CFAP299: variants seen among roughly 807,000 people sequenced by gnomAD.
The protein encoded by CFAP299 is cilia- and flagella-associated protein 299.
In CFAP299, 21 loss-of-function variants were observed where a neutral mutation model predicts 27.0. The ratio of observed to expected loss-of-function variants is 0.78; its 90% CI spans 0.55 to 1.12. The LOEUF is 1.12. Ranked by LOEUF, CFAP299 falls within the 50% of genes most tolerant of loss-of-function variation. CFAP299 has a pLI of 0.00. For missense variants in CFAP299, 310 were observed against 276.6 expected, an observed-to-expected ratio of 1.12 and a Z score of -0.86; for synonymous variants, 104 against 98.1, an observed-to-expected ratio of 1.06 and a Z score of -0.36.
intron 2 of CFAP299, among the ~76,000 whole-genome samples, chr4:80,390,779 A>ATATACACATATATGTATATGTATATATG (rs1725383036): frequency 2.8e-5 from 4 of 142,330 alleles, no homozygotes; most frequent in South Asian, 2.1e-4. Flanking sequence ...GTATATATAC[A>ATATACACATATATGTATATGTATATATG]TATACACATA....
intron 2 of CFAP299, among the ~76,000 whole-genome samples, chr4:80,512,476 T>A (rs1215685916): frequency 6.6e-6 from 1 of 152,104 alleles, no homozygotes; most frequent in Non-Finnish European, 1.5e-5. Context: ...TAAGGACTTA[T>A]ATTTTGGATT....
intron 4 of CFAP299, among the ~76,000 whole-genome samples, chr4:80,874,151 A>G (rs971573518): frequency 6.6e-6 from 1 of 152,240 alleles, no homozygotes; most frequent in Non-Finnish European, 1.5e-5. Context: ...TTCTACAAAT[A>G]GTATTAAAAT....
Position 80,930,790 on chromosome 4 carries a change from C to A in CFAP299, c.477-14020C>A, listed in dbSNP as rs1736575346. ...ATTCAGTTTCTCAACAGCAGGCAAT[C>A]CCCATACCATCTTTCTTAGTTGGAA... On this transcript the variant is annotated intron_variant, in intron 4 of 5. Transcript: ENST00000358105. Among the ~76,000 whole-genome samples the A allele has an allele frequency of 2.0e-5, 3 of 152,116 alleles. No homozygotes were observed. The South Asian group carries it at 6.2e-4, about 31-fold the overall frequency.
intron 4 of CFAP299, among the ~76,000 whole-genome samples, chr4:80,906,342 C>T (rs1209068213): frequency 6.6e-6 from 1 of 152,218 alleles, no homozygotes; most frequent in Non-Finnish European, 1.5e-5. Flanking sequence ...CCGCTCCTGG[C>T]TGCTTTCATG....
At chr4:80,363,710 C>T (rs550712881) in intron 2 of CFAP299, among the ~76,000 whole-genome samples, 24 of 152,264 alleles carry the variant, frequency 1.6e-4, no homozygotes, top group African/African-American at 5.8e-4. Context: ...CCATAGTATA[C>T]TGAAGTTTAA....
intron 2 of CFAP299, chr4:80,387,952 AG>A: frequency 3.8e-6 from 3 of 790,436 alleles, no homozygotes; most frequent in Non-Finnish European, 6.6e-6. Context: ...GGTGTTTGCC[AG>A]GGCTGTACAC....
rs150611931 is a variant in CFAP299, at chr4:80,416,442, A to C, written c.242+53558A>C. On this transcript the variant is annotated intron_variant, in intron 2 of 5. Transcript: ENST00000358105. ...GAACATGTAGCTGAAAATGCATTAA[A>C]AGCAGATATAGCTAATACACAATTT... Among the ~76,000 whole-genome samples, 360 of 152,316 alleles carry C rather than the reference A, an allele frequency of 2.4e-3. 2 individuals carry two copies. Among genetic ancestry groups the C allele is most frequent in the African/African-American group, 7.9e-3 (328 of 41,566 alleles).
intron 3 of CFAP299, among the ~76,000 whole-genome samples, chr4:80,752,930 T>C (rs920223787): frequency 1.3e-5 from 2 of 152,110 alleles, no homozygotes; most frequent in Non-Finnish European, 2.9e-5. Context: ...TCCTCATCCT[T>C]GTGCTATTAT....
At position 80,950,789 on chromosome 4, in the gene CFAP299, T is replaced by C. The variant is rs370018484; in HGVS notation, c.606+5850T>C. Among the ~76,000 whole-genome samples, 16 of 152,270 alleles carry C rather than the reference T, an allele frequency of 1.1e-4. 1 individual carries two copies. In the East Asian group the frequency reaches 1.5e-3, roughly 15 times the overall value. On this transcript the variant is annotated intron_variant, in intron 5 of 5. Coordinates refer to ENST00000358105, the MANE Select transcript of CFAP299 (RefSeq NM_152770.3). ...CTGATCTGAGTGGAAGGCTTAGGCA[T>C]TGGTACTTTTCAAAAATACCCTGGG...
intron 4 of CFAP299, among the ~76,000 whole-genome samples, chr4:80,876,169 A>AT (rs1204066002): frequency 2.0e-5 from 3 of 148,876 alleles, no homozygotes; most frequent in Non-Finnish European, 3.0e-5. Context: ...ATATTATATT[A>AT]TATATAATAT....
At chr4:80,922,952 G>C (rs1041562321) in intron 4 of CFAP299, among the ~76,000 whole-genome samples, 2 of 151,526 alleles carry the variant, frequency 1.3e-5, no homozygotes, top group Admixed American at 1.3e-4. Flanking sequence ...ATTTGAAAGA[G>C]AGAATGATAA....
At chr4:80,737,367 T>G (rs1723970642) in intron 3 of CFAP299, among the ~76,000 whole-genome samples, 1 of 152,248 alleles carries the variant, frequency 6.6e-6, no homozygotes, top group East Asian at 1.9e-4. Context: ...AATGGTATTA[T>G]TTCTTCTTTA....
chr4:80,616,512 GA>G (rs1016974934), intron 3 of CFAP299, among the ~76,000 whole-genome samples: 1 of 151,422 alleles, frequency 6.6e-6, no homozygotes, highest in Non-Finnish European at 1.5e-5. Flanking sequence ...TTTTACAGAT[GA>G]AAAAAAACAA....
At chr4:80,549,265 T>C (rs1158963569) in intron 2 of CFAP299, among the ~76,000 whole-genome samples, 1 of 152,104 alleles carries the variant, frequency 6.6e-6, no homozygotes, top group Non-Finnish European at 1.5e-5. Flanking sequence ...AAGATGCTAT[T>C]ATAATAAACA....
chr4:80,546,668 T>C (rs1244235570), intron 2 of CFAP299, among the ~76,000 whole-genome samples: 1 of 152,100 alleles, frequency 6.6e-6, no homozygotes, highest in Non-Finnish European at 1.5e-5. Flanking sequence ...TCTTGTGAGA[T>C]CTGGTTGTTG....
chr4:80,486,339 C>T (rs999077065), intron 2 of CFAP299, among the ~76,000 whole-genome samples: 4 of 152,154 alleles, frequency 2.6e-5, no homozygotes, highest in Non-Finnish European at 4.4e-5. Context: ...TTTTCTGAAA[C>T]ATGCTTCTGA....
chr4:80,915,365 T>A (rs1211371118), intron 4 of CFAP299, among the ~76,000 whole-genome samples: 1 of 152,058 alleles, frequency 6.6e-6, no homozygotes, highest in Non-Finnish European at 1.5e-5. Context: ...TCTTACCCTT[T>A]TTTCTCTGCA....
At position 80,628,884 on chromosome 4, in the gene CFAP299, T is replaced by G. The variant is rs571168177; in HGVS notation, c.333+45701T>G. Reference sequence around the variant, plus strand: ...CGCTGTTGGTGAGAATGTAAATTGATGCAGCCATTATGGAAAACAGTATGG... The same window carrying G: ...CGCTGTTGGTGAGAATGTAAATTGAGGCAGCCATTATGGAAAACAGTATGG... On this transcript the variant is annotated intron_variant, in intron 3 of 5. Transcript: ENST00000358105. Among the ~76,000 whole-genome samples, 5 of 152,308 alleles carry G rather than the reference T, an allele frequency of 3.3e-5. No individual in the cohort carries two copies. In the South Asian group the frequency reaches 1.0e-3, roughly 32 times the overall value.
intron 3 of CFAP299, among the ~76,000 whole-genome samples, chr4:80,831,819 T>C (rs886182948): frequency 2.0e-5 from 3 of 152,164 alleles, no homozygotes; most frequent in Admixed American, 6.6e-5. Flanking sequence ...TTCTTCTTGT[T>C]AAATGTTTAA....
Sources: gnomAD v4.1 joint callset for allele counts (sites outside exome capture counted in the v4.1 genomes callset) on GRCh38, gnomAD v4.1.1 for gene constraint, MANE v1.5 for transcripts, NCBI Gene and HGNC (gene_info 2026-07-23, HGNC 2026-07-21) for gene names.